Variants in FAT4 observed in about 807,000 individuals in gnomAD.
FAT4 encodes protocadherin Fat 4.
A neutral mutation model predicts 303.9 loss-of-function variants in FAT4; 84 were observed. That is an observed-to-expected ratio of 0.28 (90% CI 0.23 to 0.33). FAT4 has a LOEUF of 0.33. Ranked by LOEUF, FAT4 falls within the 10% of genes least tolerant of loss-of-function variation. The pLI, the probability that FAT4 is intolerant of heterozygous loss-of-function variation, is 1.00. For missense variants in FAT4, 6,005 were observed against 6,146.8 expected, an observed-to-expected ratio of 0.98 and a Z score of 0.77; for synonymous variants, 2,307 against 2,298.8, an observed-to-expected ratio of 1.00 and a Z score of -0.10.
chr4:125,404,978 C>G (rs901239460), intron 3 of FAT4, among the ~76,000 whole-genome samples: 1 of 151,412 alleles, frequency 6.6e-6, no homozygotes. Flanking sequence ...TACTTGGGAC[C>G]AGAAGTGTCT....
intron 2 of FAT4, among the ~76,000 whole-genome samples, chr4:125,340,723 A>G (rs1002760350): frequency 1.3e-5 from 2 of 152,244 alleles, no homozygotes; most frequent in Admixed American, 1.3e-4. Flanking sequence ...GTAGTTGTGT[A>G]GCAGTTGCGG....
rs1727668775 is a variant in FAT4 at position 125,491,939 on chromosome 4, C to T, written c.*171C>T. 1.6e-6 allele frequency: 1 copy of T among 630,670 alleles called. No homozygotes were observed. Among genetic ancestry groups the T allele is most frequent in the African/African-American group, 1.8e-5 (1 of 54,632 alleles). The allele number at this position is 630,670 out of a possible 1,614,324, so 39.1% of individuals were successfully genotyped here. A position where few individuals can be genotyped will look rare whatever the true frequency, so the allele number is the denominator to read the frequency against. On this transcript the variant is annotated 3_prime_UTR_variant, in exon 18 of 18. Transcript: ENST00000394329. ...TGCTGCTGAAACAGACTCACAACAA[C>T]TCTTAATTTAAACATGTGTGGTTGA...
intron 2 of FAT4, among the ~76,000 whole-genome samples, chr4:125,379,613 C>G (rs1056108902): frequency 6.6e-6 from 1 of 151,932 alleles, no homozygotes; most frequent in Non-Finnish European, 1.5e-5. Context: ...GCTCATGCCA[C>G]CATGTCCAGC....
At chr4:125,475,677 A>G (rs998059692) in intron 12 of FAT4, among the ~76,000 whole-genome samples, 2 of 152,122 alleles carry the variant, frequency 1.3e-5, no homozygotes, top group East Asian at 3.8e-4. Context: ...TTAAATTTTC[A>G]TAGATTGCTA....
intron 2 of FAT4, among the ~76,000 whole-genome samples, chr4:125,367,970 G>T (rs985292494): frequency 6.6e-6 from 1 of 152,098 alleles, no homozygotes; most frequent in African/African-American, 2.4e-5. Flanking sequence ...CTGATGGTGT[G>T]GAACTCTCTA....
intron 2 of FAT4, among the ~76,000 whole-genome samples, chr4:125,374,801 G>T (rs918224867): frequency 6.6e-6 from 1 of 152,098 alleles, no homozygotes; most frequent in Admixed American, 6.6e-5. Flanking sequence ...AAACTCAGAT[G>T]AAATAATTGT....
At chr4:125,432,183 G>A (rs532843522) in intron 7 of FAT4, among the ~76,000 whole-genome samples, 120 of 152,186 alleles carry the variant, frequency 7.9e-4, no homozygotes, top group African/African-American at 2.3e-3. Context: ...CCAAAGCAGC[G>A]CAGGAAGCAG....
At position 125,318,161 on chromosome 4, in the gene FAT4, C is replaced by A. The variant is rs1021186082; in HGVS notation, c.1750C>A (p.Gln584Lys). Residue 584 changes from glutamine (Q) to lysine (K), a missense_variant, in exon 2 of 18, where the codon CAG (glutamine) becomes AAG (lysine). Transcript: ENST00000394329. ...GAATGATGAAAAGCCAGTATTTAGC[C>A]AGCCAGAAGGGTATGATGTGTCTGT... ...DVNDEKPVFSQPEGYDVSVVE... is the reference protein window; with the variant it reads ...DVNDEKPVFSKPEGYDVSVVE... 1.2e-6 allele frequency: 2 copies of A among 1,614,024 alleles called. No homozygotes were observed. The highest frequency in any genetic ancestry group is 1.3e-5 in the African/African-American group (1 of 74,908).
intron 2 of FAT4, among the ~76,000 whole-genome samples, chr4:125,364,164 A>G (rs915961382): frequency 1.3e-5 from 2 of 150,872 alleles, no homozygotes; most frequent in Non-Finnish European, 3.0e-5. Context: ...TCTCCACCCC[A>G]TGTGTGCCCT....
intron 2 of FAT4, among the ~76,000 whole-genome samples, chr4:125,353,475 T>C (rs1271666619): frequency 6.6e-6 from 1 of 151,720 alleles, no homozygotes; most frequent in African/African-American, 2.4e-5. Flanking sequence ...GAGATGAATA[T>C]GTTTTAAAGT....
chr4:125,452,746 G>T lies in FAT4; in HGVS notation c.11736G>T (p.Lys3912Asn), dbSNP rs1410668516. 2.5e-6 allele frequency: 4 copies of T among 1,613,912 alleles called. No individual in the cohort carries two copies. The African/African-American group carries it at 5.3e-5, about 22-fold the overall frequency. Residue 3912 changes from lysine to asparagine, a missense_variant, in exon 10 of 18, where the codon AAG (lysine) becomes AAT (asparagine). Transcript: ENST00000394329. ...ATGAGTGCCTGCAGAGTCCTTGCAA[G>T]AATGGTGCCATCTGCCAGAATTTTC... is the stretch of plus-strand genomic sequence containing the variant. ...DINECLQSPC[K>N]NGAICQNFPG...
In FAT4 at chr4:125,318,079, C is replaced by G. The variant is rs745386528; in HGVS notation, c.1668C>G (p.Asp556Glu). 6.2e-7 allele frequency: 1 copy of G among 1,613,970 alleles called. No homozygotes were observed. Reference protein sequence around the residue: ...SQIVLNISARDQGVHPKVSYA... With the variant: ...SQIVLNISAREQGVHPKVSYA... The stretch of plus-strand genomic sequence containing the variant: ...TTGTTCTGAATATAAGTGCCCGGGA[C>G]CAGGGAGTTCACCCCAAGGTGTCCT... The change falls in exon 2 of 18, where the codon GAC (aspartate) becomes GAG (glutamate). Residue 556 changes from aspartate (D) to glutamate (E), a missense_variant. By Grantham distance (45) the Asp-to-Glu change is conservative. Transcript: ENST00000394329.
chr4:125,383,490 G>A (rs1351059936), intron 2 of FAT4, among the ~76,000 whole-genome samples: 3 of 152,134 alleles, frequency 2.0e-5, no homozygotes, highest in South Asian at 2.1e-4. Context: ...CAAGAAAATA[G>A]TAACCTCAGT....
intron 7 of FAT4, among the ~76,000 whole-genome samples, chr4:125,431,828 C>T (rs1459786833): frequency 2.0e-5 from 3 of 149,628 alleles, no homozygotes; most frequent in Non-Finnish European, 4.5e-5. Context: ...CTTTTGCTCA[C>T]ACAAATGCAC....
intron 2 of FAT4, among the ~76,000 whole-genome samples, chr4:125,371,240 A>G (rs1247442982): frequency 6.6e-6 from 1 of 151,906 alleles, no homozygotes; most frequent in Non-Finnish European, 1.5e-5. Context: ...ATTTCTACAT[A>G]TCAAATATCT....
intron 2 of FAT4, among the ~76,000 whole-genome samples, chr4:125,386,811 T>C (rs1208077233): frequency 2.0e-5 from 3 of 152,166 alleles, no homozygotes. Context: ...TAGTTTAAGA[T>C]AGCTGTTTAA....
At chr4:125,421,841 G>A (rs977611765) in intron 7 of FAT4, among the ~76,000 whole-genome samples, 3 of 151,834 alleles carry the variant, frequency 2.0e-5, no homozygotes, top group African/African-American at 7.3e-5. Context: ...AGCAAAGTCA[G>A]GTATAATATT....
intron 2 of FAT4, among the ~76,000 whole-genome samples, chr4:125,377,926 G>A (rs752000716): frequency 3.4e-4 from 51 of 151,950 alleles, no homozygotes; most frequent in Non-Finnish European, 6.8e-4. Context: ...ATTATATGTT[G>A]TTATTTACTT....
chr4:125,374,258 T>A (rs181214502), intron 2 of FAT4, among the ~76,000 whole-genome samples: 66 of 152,286 alleles, frequency 4.3e-4, no homozygotes, highest in African/African-American at 1.4e-3. Flanking sequence ...AAACTGAGTG[T>A]AAGGAAAGAA....
Sources: gnomAD v4.1 joint callset for allele counts (sites outside exome capture counted in the v4.1 genomes callset) on GRCh38, gnomAD v4.1.1 for gene constraint, MANE v1.5 for transcripts, NCBI Gene and HGNC (gene_info 2026-07-23, HGNC 2026-07-21) for gene names.